Variants in CLUL1 observed in about 807,000 individuals in gnomAD.
CLUL1 encodes clusterin-like protein 1.
In CLUL1, 43 loss-of-function variants were observed where a neutral mutation model predicts 49.4. The ratio of observed to expected loss-of-function variants is 0.87; its 90% CI spans 0.68 to 1.12. The LOEUF (loss-of-function observed/expected upper bound fraction) is 1.12, where lower values mean the gene tolerates loss of function less well. Among genes scored for constraint, CLUL1 ranks in the 50% most tolerant of loss-of-function variants. CLUL1 has a pLI of 0.00. For missense variants in CLUL1, 486 were observed against 544.4 expected (o/e 0.89, Z 1.07); for synonymous variants, 192 against 184.9 (o/e 1.04, Z -0.31).
intron 7 of CLUL1, among the ~76,000 whole-genome samples, chr18:640,209 C>T (rs2074300249): frequency 6.6e-6 from 1 of 151,690 alleles, no homozygotes; most frequent in African/African-American, 2.4e-5. Flanking sequence ...ATTGAGAGGA[C>T]ACGCAAGCCT....
intron 1 of CLUL1, among the ~76,000 whole-genome samples, chr18:600,471 A>G (rs1213992524): frequency 1.3e-5 from 2 of 152,206 alleles, no homozygotes; most frequent in Non-Finnish European, 2.9e-5. Context: ...TCCGTGGTAC[A>G]GTAGTTGTGT....
intron 6 of CLUL1, 106 bp downstream of exon 6, chr18:627,635 T>C: frequency 1.4e-6 from 1 of 734,302 alleles, no homozygotes; most frequent in African/African-American, 1.8e-5. Context: ...TAGCATTTCT[T>C]GAAGAGACAA....
intron 2 of CLUL1, among the ~76,000 whole-genome samples, chr18:610,763 G>T (rs967377034): frequency 6.6e-6 from 1 of 152,196 alleles, no homozygotes; most frequent in African/African-American, 2.4e-5. Context: ...AAGGCTGGGG[G>T]AGGTGGCTCA....
At chr18:645,806 AAAAAATATAT>A (rs1206437007) in intron 9 of CLUL1, among the ~76,000 whole-genome samples, 2 of 51,862 alleles carry the variant, frequency 3.9e-5, no homozygotes, top group Non-Finnish European at 7.1e-5. Context: ...AAAAAAAAAA[AAAAAATATAT>A]ATATATATAT....
chr18:630,343 A>G (rs1201413813), intron 6 of CLUL1, among the ~76,000 whole-genome samples: 4 of 152,112 alleles, frequency 2.6e-5, no homozygotes, highest in Non-Finnish European at 4.4e-5. Flanking sequence ...TTCTGACCTC[A>G]AATGATCCGC....
At chr18:636,851 T>C (rs969951343) in intron 7 of CLUL1, among the ~76,000 whole-genome samples, 1 of 152,162 alleles carries the variant, frequency 6.6e-6, no homozygotes, top group African/African-American at 2.4e-5. Context: ...GGTGGCGAAC[T>C]CCTGACCTCA....
chr18:626,266 C>T lies in CLUL1; in HGVS notation c.424-831C>T, dbSNP rs577725596. On this transcript the variant is annotated intron_variant, in intron 5 of 9. Coordinates refer to ENST00000692774, the MANE Select transcript of CLUL1 (RefSeq NM_001393344.1). ...TAGCTGGGATTACAGGCGCCCACCA[C>T]CACGCCTAGCTAATTTTTGTATTTT... Among the ~76,000 whole-genome samples the T allele has an allele frequency of 2.0e-5, 3 of 152,106 alleles. No homozygotes were observed. The South Asian group carries it at 6.2e-4, about 32-fold the overall frequency.
In CLUL1 at chr18:644,895, A is replaced by C. The variant is rs2074429521; in HGVS notation, c.1210-15A>C. On this transcript the variant is annotated splice_polypyrimidine_tract_variant and intron_variant, in intron 8 of 9. Transcript: ENST00000692774. ...GGATTTAGTAAACTTCTACTGTATA[A>C]TCCTTCTTCTGTAGGTAGTTCCAAG... The C allele has an allele frequency of 1.3e-6, 2 of 1,592,844 alleles. No individual in the cohort carries two copies. Among genetic ancestry groups the C allele is most frequent in the Non-Finnish European group, 1.7e-6 (2 of 1,165,132 alleles).
chr18:633,948 A>T (rs986096539), intron 7 of CLUL1, among the ~76,000 whole-genome samples: 1 of 152,170 alleles, frequency 6.6e-6, no homozygotes, highest in Admixed American at 6.5e-5. Flanking sequence ...ACATACTGAC[A>T]TACTGATTCT....
At chr18:615,740 G>A (rs1457356549) in intron 2 of CLUL1, among the ~76,000 whole-genome samples, 4 of 152,260 alleles carry the variant, frequency 2.6e-5, no homozygotes, top group African/African-American at 7.2e-5. Flanking sequence ...ATAATAGTTC[G>A]AGTTTTGCTA....
Position 649,885 on chromosome 18 carries a change from T to TC in CLUL1, c.1398-13_1398-12insC. 7.1e-7 allele frequency: 1 copy of TC among 1,404,468 alleles called. No individual in the cohort carries two copies. Among genetic ancestry groups the TC allele is most frequent in the Non-Finnish European group, 1.0e-6 (1 of 999,366 alleles). The allele number at this position is 1,404,468 out of a possible 1,614,324, so 87.0% of individuals were successfully genotyped here. A position where few individuals can be genotyped will look rare whatever the true frequency, so the allele number is the denominator to read the frequency against. ...GTATTTTGATCATTGCTGCCTTTTT[T>TC]TTTTTTTTTAAGGTAAGAAGATCTA... On this transcript the variant is annotated splice_polypyrimidine_tract_variant and intron_variant, in intron 9 of 9. Coordinates refer to ENST00000692774, the MANE Select transcript of CLUL1 (RefSeq NM_001393344.1).
intron 4 of CLUL1, among the ~76,000 whole-genome samples, chr18:620,351 T>A (rs1209128825): frequency 6.6e-6 from 1 of 152,124 alleles, no homozygotes; most frequent in African/African-American, 2.4e-5. Flanking sequence ...TATTCATTTT[T>A]AAAATCTGCC....
intron 4 of CLUL1, among the ~76,000 whole-genome samples, chr18:623,795 G>A (rs185610394): frequency 1.4e-3 from 218 of 152,218 alleles, no homozygotes; most frequent in Non-Finnish European, 2.0e-3. Flanking sequence ...CAAATGCTAC[G>A]TGGCTTAGCA....
chr18:619,395 C>T (rs1004921425), intron 4 of CLUL1, 34 bp downstream of exon 4: 1 of 1,570,752 alleles, frequency 6.4e-7, no homozygotes, highest in Non-Finnish European at 8.6e-7. Flanking sequence ...TGTTCTTACA[C>T]AGATCTGGAC....
chr18:620,951 A>C (rs2073473232), intron 4 of CLUL1, among the ~76,000 whole-genome samples: 1 of 152,240 alleles, frequency 6.6e-6, no homozygotes, highest in Admixed American at 6.5e-5. Flanking sequence ...AAATATTTTC[A>C]ATTTTAATGT....
intron 9 of CLUL1, among the ~76,000 whole-genome samples, chr18:649,265 T>C (rs576526204): frequency 6.6e-6 from 1 of 152,344 alleles, no homozygotes; most frequent in South Asian, 2.1e-4. Context: ...CTAGGTGCCC[T>C]AGCTGCAGGT....
chr18:599,447 T>A (rs2143907221), intron 1 of CLUL1, among the ~76,000 whole-genome samples: 1 of 152,354 alleles, frequency 6.6e-6, no homozygotes, highest in East Asian at 1.9e-4. Flanking sequence ...TAGAAGATGC[T>A]TAATAAAGAT....
intron 1 of CLUL1, among the ~76,000 whole-genome samples, chr18:601,665 T>C (rs1214753417): frequency 1.4e-5 from 2 of 145,350 alleles, no homozygotes; most frequent in African/African-American, 2.6e-5. Flanking sequence ...AAAAATTAGC[T>C]GGATGTGGTG....
rs145238258 is a variant in CLUL1, at chr18:620,669, G to C, written c.255+1308G>C. ...CTAATCACTTTTTCAAATTCAAATA[G>C]CTTTATTTAACAGCTATAGCTTGAA... On this transcript the variant is annotated intron_variant, in intron 4 of 9. Transcript: ENST00000692774. 2.8e-3 allele frequency among the ~76,000 whole-genome samples: 425 copies of C among 152,196 alleles called. 3 individuals are homozygous for C. The highest frequency in any genetic ancestry group is 9.5e-3 in the African/African-American group (393 of 41,512).
Sources: allele counts gnomAD v4.1 joint callset (sites outside exome capture counted in the v4.1 genomes callset), GRCh38; gene constraint gnomAD v4.1.1; transcripts MANE v1.5; gene names NCBI Gene and HGNC (gene_info 2026-07-23, HGNC 2026-07-21).